AGBL4: variants seen among roughly 807,000 people sequenced by gnomAD.
AGBL4 encodes the protein AGBL carboxypeptidase 4.
A neutral mutation model predicts 66.4 loss-of-function variants in AGBL4; 58 were observed. The ratio of observed to expected loss-of-function variants is 0.87; its 90% CI spans 0.71 to 1.09. AGBL4 has a LOEUF of 1.09. AGBL4 is among the 50% of genes least tolerant of loss of function. AGBL4 has a pLI of 0.00. For synonymous variants in AGBL4, 234 were observed against 222.9 expected, an observed-to-expected ratio of 1.05 and a Z score of -0.44; for missense variants, 579 against 631.0, an observed-to-expected ratio of 0.92 and a Z score of 0.88.
chr1:49,374,322 C>T (rs1644426623), intron 3 of AGBL4: 1 of 151,690 alleles, frequency 6.6e-6, no homozygotes, highest in South Asian at 2.1e-4. Flanking sequence ...TACTCTTCAG[C>T]TTCATTCCTA....
intron 11 of AGBL4, chr1:48,584,668 A>T (rs1644791306): frequency 6.6e-6 from 1 of 152,560 alleles, no homozygotes; most frequent in Non-Finnish European, 1.5e-5. Flanking sequence ...GTGAGCTGAG[A>T]TCATGCCACT....
At chr1:48,786,965 C>G (rs1295569170) in intron 6 of AGBL4, among the ~76,000 whole-genome samples, 1 of 152,160 alleles carries the variant, frequency 6.6e-6, no homozygotes, top group Non-Finnish European at 1.5e-5. Context: ...TTCAGGAATG[C>G]TTGCCTTGTG....
intron 3 of AGBL4, among the ~76,000 whole-genome samples, chr1:49,642,713 T>C (rs1043511822): frequency 2.6e-5 from 4 of 151,926 alleles, no homozygotes; most frequent in African/African-American, 9.7e-5. Context: ...GACAAACTAC[T>C]CAGATAAAGT....
At chr1:48,589,692 A>G (rs1644882465) in intron 10 of AGBL4, among the ~76,000 whole-genome samples, 1 of 152,188 alleles carries the variant, frequency 6.6e-6, no homozygotes, top group Admixed American at 6.5e-5. Context: ...CTGCCTGCAA[A>G]GAACTTTTAT....
chr1:49,251,647 G>C (rs1402923060), intron 3 of AGBL4, among the ~76,000 whole-genome samples: 1 of 152,178 alleles, frequency 6.6e-6, no homozygotes, highest in Non-Finnish European at 1.5e-5. Flanking sequence ...TGTAGTGAAT[G>C]CCTGCAGGGA....
chr1:50,005,560 A>T (rs1246870396), intron 1 of AGBL4, among the ~76,000 whole-genome samples: 1 of 152,200 alleles, frequency 6.6e-6, no homozygotes, highest in Admixed American at 6.5e-5. Context: ...GACTGCAAAG[A>T]CTACAATAAA....
chr1:50,021,251 G>A (rs1007150931), intron 1 of AGBL4, among the ~76,000 whole-genome samples: 4 of 152,146 alleles, frequency 2.6e-5, no homozygotes, highest in Non-Finnish European at 5.9e-5. Flanking sequence ...GGAAGGCATT[G>A]AAATATTGCA....
At chr1:49,807,345 G>T (rs1375454631) in intron 2 of AGBL4, among the ~76,000 whole-genome samples, 1 of 152,220 alleles carries the variant, frequency 6.6e-6, no homozygotes, top group East Asian at 1.9e-4. Context: ...GGAAGGTCTG[G>T]AGGGCAGAGC....
At chr1:49,551,881 T>C (rs1191300661) in intron 3 of AGBL4, among the ~76,000 whole-genome samples, 1 of 152,088 alleles carries the variant, frequency 6.6e-6, no homozygotes, top group Non-Finnish European at 1.5e-5. Flanking sequence ...CCTTTGTCTT[T>C]AGTTACCAGG....
At chr1:48,808,786 G>A (rs1468694742) in intron 6 of AGBL4, among the ~76,000 whole-genome samples, 1 of 152,228 alleles carries the variant, frequency 6.6e-6, no homozygotes, top group Non-Finnish European at 1.5e-5. Flanking sequence ...CTGGCCTTGA[G>A]TAGGCACTTT....
At chr1:49,439,434 A>G (rs1417594028) in intron 3 of AGBL4, among the ~76,000 whole-genome samples, 1 of 152,170 alleles carries the variant, frequency 6.6e-6, no homozygotes, top group Non-Finnish European at 1.5e-5. Context: ...TTTGTCTTCT[A>G]CTGTTCTTTA....
chr1:49,488,351 G>C (rs1307465660), intron 3 of AGBL4, among the ~76,000 whole-genome samples: 1 of 150,896 alleles, frequency 6.6e-6, no homozygotes, highest in Non-Finnish European at 1.5e-5. Flanking sequence ...AGTCTTGTAT[G>C]ATTCATTCTA....
intron 3 of AGBL4, among the ~76,000 whole-genome samples, chr1:49,511,662 A>C (rs375913902): frequency 9.2e-5 from 14 of 151,584 alleles, no homozygotes; most frequent in African/African-American, 3.4e-4. Context: ...TTTTCTCCCC[A>C]ATGCGTTTTA....
intron 3 of AGBL4, among the ~76,000 whole-genome samples, chr1:49,267,127 A>C (rs1643939294): frequency 6.6e-6 from 1 of 152,240 alleles, no homozygotes; most frequent in East Asian, 1.9e-4. Flanking sequence ...TAGTGCACAG[A>C]GGACAGTGAT....
intron 2 of AGBL4, among the ~76,000 whole-genome samples, chr1:49,763,150 G>A (rs1206686080): frequency 6.6e-6 from 1 of 152,148 alleles, no homozygotes; most frequent in Non-Finnish European, 1.5e-5. Flanking sequence ...CCCAATGTGT[G>A]TTCCTGGCAC....
chr1:48,574,398 A>G (rs1569849556), intron 11 of AGBL4, among the ~76,000 whole-genome samples: 2 of 152,152 alleles, frequency 1.3e-5, no homozygotes, highest in East Asian at 1.9e-4. Flanking sequence ...TGCTGTGGGG[A>G]TCAAATGAAA....
chr1:49,999,754 C>G (rs1327343765), intron 1 of AGBL4, among the ~76,000 whole-genome samples: 2 of 151,920 alleles, frequency 1.3e-5, no homozygotes, highest in Admixed American at 1.3e-4. Flanking sequence ...AATAGGGAAC[C>G]CAGAAATAAA....
intron 3 of AGBL4, among the ~76,000 whole-genome samples, chr1:49,433,823 G>A (rs936313830): frequency 2.0e-5 from 3 of 152,250 alleles, no homozygotes; most frequent in Admixed American, 2.0e-4. Context: ...TAAATATATA[G>A]AGAAATGCTT....
intron 6 of AGBL4, among the ~76,000 whole-genome samples, chr1:48,850,831 G>A (rs1429562018): frequency 1.3e-5 from 2 of 152,158 alleles, no homozygotes; most frequent in Non-Finnish European, 2.9e-5. Flanking sequence ...ACCAGCATCC[G>A]TGATTAGGAA....
Sources: gnomAD v4.1 joint callset for allele counts (sites outside exome capture counted in the v4.1 genomes callset) on GRCh38, gnomAD v4.1.1 for gene constraint, MANE v1.5 for transcripts, NCBI Gene and HGNC (gene_info 2026-07-23, HGNC 2026-07-21) for gene names.